BEND3: variants seen among roughly 807,000 people sequenced by gnomAD.
The protein encoded by BEND3 is BEN domain-containing protein 3.
BEND3 carries 13 observed loss-of-function variants against 60.1 expected under a neutral mutation model. The ratio of observed to expected loss-of-function variants is 0.22; its 90% confidence interval spans 0.14 to 0.34. The LOEUF (loss-of-function observed/expected upper bound fraction) is 0.34. Ranked by LOEUF, BEND3 falls within the 10% of genes least tolerant of loss-of-function variation. The pLI is 1.00. For missense variants in BEND3, 896 were observed against 1,138.1 expected (o/e 0.79, Z 3.06); for synonymous variants, 497 against 491.5 (o/e 1.01, Z -0.15).
intron 3 of BEND3, among the ~76,000 whole-genome samples, chr6:107,088,955 G>C (rs1464230765): frequency 1.3e-5 from 2 of 152,104 alleles, no homozygotes; most frequent in Non-Finnish European, 2.9e-5. Flanking sequence ...AGACCAGCCT[G>C]GTCAACATGG....
At position 107,069,170 on chromosome 6, in the gene BEND3, G is replaced by A. The variant is rs782054360; in HGVS notation, c.2021C>T (p.Ala674Val). ...GPECRDLTSY[A>V]INPERFREEF... ...CTCCCGGAACCTCTCGGGGTTGATT[G>A]CATAGCTGGTCAAGTCTCTGCACTC... The change falls in exon 4 of 4, where the codon GCA becomes GTA. Residue 674 changes from alanine to valine, a missense_variant. This residue lies in a region of BEND3 where 846 missense variants were observed against 1,036.7 expected (regional missense o/e 0.82). Coordinates refer to ENST00000369042, the MANE Select transcript of BEND3 (RefSeq NM_001367314.1). 197 of 1,612,486 alleles carry A rather than the reference G, an allele frequency of 1.2e-4. No individual in the cohort carries two copies. Among genetic ancestry groups the A allele is most frequent in the Non-Finnish European group, 1.7e-4 (195 of 1,180,042 alleles).
intron 1 of BEND3, among the ~76,000 whole-genome samples, chr6:107,100,080 A>G (rs1332115672): frequency 1.3e-5 from 2 of 152,046 alleles, no homozygotes; most frequent in Non-Finnish European, 2.9e-5. Context: ...CACTATGTTG[A>G]CCAGGCTGCT....
At chr6:107,071,460 C>T (rs1000604681) in intron 3 of BEND3, among the ~76,000 whole-genome samples, 2 of 152,122 alleles carry the variant, frequency 1.3e-5, no homozygotes, top group East Asian at 1.9e-4. Flanking sequence ...GGAGAGCAGG[C>T]GTCCCTTTTC....
chr6:107,096,013 C>T (rs1302716657), intron 3 of BEND3, among the ~76,000 whole-genome samples: 1 of 152,050 alleles, frequency 6.6e-6, no homozygotes, highest in African/African-American at 2.4e-5. Context: ...AAGAGTGAGC[C>T]CTAATGTAAA....
chr6:107,088,245 G>C (rs1347998879), intron 3 of BEND3, among the ~76,000 whole-genome samples: 1 of 152,072 alleles, frequency 6.6e-6, no homozygotes, highest in African/African-American at 2.4e-5. Flanking sequence ...CTCTGCATTT[G>C]AGGATATCTT....
chr6:107,087,759 A>C (rs1775384636), intron 3 of BEND3, among the ~76,000 whole-genome samples: 1 of 151,822 alleles, frequency 6.6e-6, no homozygotes, highest in Admixed American at 6.6e-5. Context: ...CAAACAAAAA[A>C]ACAGATGGTC....
At chr6:107,111,690 T>C (rs575417807) in intron 1 of BEND3, among the ~76,000 whole-genome samples, 16 of 152,088 alleles carry the variant, frequency 1.1e-4, no homozygotes, top group Admixed American at 3.9e-4. Flanking sequence ...AACACCAAAA[T>C]TAAGCACCAG....
chr6:107,083,548 G>T (rs781875617), intron 3 of BEND3, among the ~76,000 whole-genome samples: 2 of 151,864 alleles, frequency 1.3e-5, no homozygotes, highest in Non-Finnish European at 2.9e-5. Flanking sequence ...GAGGTGGGAA[G>T]ATCCACTGAG....
chr6:107,104,866 C>T (rs1775780104), intron 1 of BEND3, among the ~76,000 whole-genome samples: 1 of 151,782 alleles, frequency 6.6e-6, no homozygotes, highest in African/African-American at 2.4e-5. Context: ...GGCCTCCCTA[C>T]GTTGCCCAAG....
intron 3 of BEND3, among the ~76,000 whole-genome samples, chr6:107,082,144 T>G (rs1343640633): frequency 2.0e-5 from 3 of 152,204 alleles, no homozygotes; most frequent in Non-Finnish European, 4.4e-5. Flanking sequence ...GTGACTTGCT[T>G]TGGCCAACAG....
chr6:107,103,552 G>A (rs1775745127), intron 1 of BEND3, among the ~76,000 whole-genome samples: 1 of 152,108 alleles, frequency 6.6e-6, no homozygotes, highest in Non-Finnish European at 1.5e-5. Flanking sequence ...CTCAAATTAT[G>A]GGACAGTCAA....
chr6:107,097,623 T>C (rs1369053010), intron 3 of BEND3, among the ~76,000 whole-genome samples: 1 of 150,846 alleles, frequency 6.6e-6, no homozygotes, highest in Non-Finnish European at 1.5e-5. Context: ...AAACCCTGTA[T>C]CTACTAAAAA....
chr6:107,070,311 C>G lies in BEND3; in HGVS notation c.880G>C (p.Ala294Pro). Residue 294 changes from alanine (A) to proline (P), a missense_variant, in exon 4 of 4, where the codon GCG (alanine) becomes CCG (proline). Physicochemically the swap from Ala to Pro is conservative, Grantham distance 27. Transcript: ENST00000369042. The surrounding 1 kb of genome is among the most constrained non-coding windows in gnomAD (Gnocchi z 6.9). ...AGCGACTCCAGCTTGCGCTTGGCCGCAAAGCCACAGGCACTGCAGCCCCGG... is the reference window on the plus strand; with the variant it reads ...AGCGACTCCAGCTTGCGCTTGGCCGGAAAGCCACAGGCACTGCAGCCCCGG... ...FSRGCSACGF[A>P]AKRKLESLHL... 6.2e-7 allele frequency: 1 copy of G among 1,613,102 alleles called. No individual in the cohort carries two copies. The highest frequency in any genetic ancestry group is 1.3e-5 in the African/African-American group (1 of 75,040).
chr6:107,065,549 T>A lies in BEND3; in HGVS notation c.*3155A>T, dbSNP rs1774808661. 6.6e-6 allele frequency: 1 copy of A among 152,180 alleles called. No homozygotes were observed. Among genetic ancestry groups the A allele is most frequent in the Non-Finnish European group, 1.5e-5 (1 of 68,034 alleles). The allele number at this position is 152,180 out of a possible 1,614,324, so 9.4% of individuals were successfully genotyped here. The stretch of plus-strand genomic sequence containing the variant: ...CCACTTCATGTATCTATACAGTCGA[T>A]CTACACAGCCAGGCGGGGTGCAAGC... On this transcript the variant is annotated 3_prime_UTR_variant, in exon 4 of 4. Transcript: ENST00000369042.
chr6:107,102,321 T>C (rs1775719278), intron 1 of BEND3, among the ~76,000 whole-genome samples: 1 of 152,136 alleles, frequency 6.6e-6, no homozygotes, highest in African/African-American at 2.4e-5. Context: ...TATTTTCTGA[T>C]TTTTTATTTT....
Position 107,068,027 on chromosome 6 carries a change from G to C in BEND3, c.*677C>G, listed in dbSNP as rs1427783193. ...CCAACGCGCCTGAAGGACAGGCCAA[G>C]CTGAACGGAAGCCTTCCCTGGCACC... On this transcript the variant is annotated 3_prime_UTR_variant, in exon 4 of 4. Transcript: ENST00000369042. The surrounding 1 kb of genome is among the most constrained non-coding windows in gnomAD (Gnocchi z 5.8). 6.6e-6 allele frequency: 1 copy of C among 152,300 alleles called. No individual in the cohort carries two copies. Among genetic ancestry groups the C allele is most frequent in the African/African-American group, 2.4e-5 (1 of 41,450 alleles). 9.4% of individuals were successfully genotyped at this position (152,300 alleles called of 1,614,324 possible).
rs1775656761 is a variant in BEND3 at position 107,099,282 on chromosome 6, T to G, written c.4A>C (p.Asn2His). Residue 2 changes from asparagine to histidine, a missense_variant, in exon 2 of 4, where the codon AAC becomes CAC. Physicochemically the swap from Asn to His is moderately conservative, Grantham distance 68. This residue lies in a region of BEND3 where 846 missense variants were observed against 1,036.7 expected (regional missense o/e 0.82). Coordinates refer to ENST00000369042, the MANE Select transcript of BEND3 (RefSeq NM_001367314.1). M[N>H]STEFTEDVEE... is the part of the protein sequence containing the mutation. ...ACATCTTCGGTGAATTCAGTTGAGT[T>G]CATCTTCTATTCCGCTAAATAAAAA... The G allele has an allele frequency of 6.2e-7, 1 of 1,610,884 alleles. No homozygotes were observed. Among genetic ancestry groups the G allele is most frequent in the Non-Finnish European group, 8.5e-7 (1 of 1,177,892 alleles).
At position 107,069,879 on chromosome 6, in the gene BEND3, C is replaced by A; in HGVS notation, c.1312G>T (p.Gly438Cys). The change falls in exon 4 of 4, where the codon GGT (glycine) becomes TGT (cysteine). Residue 438 changes from glycine to cysteine, a missense_variant. This residue lies in a region of BEND3 where 846 missense variants were observed against 1,036.7 expected (regional missense o/e 0.82). Transcript: ENST00000369042. Reference sequence around the variant, plus strand: ...TGCGGGTCCAGCTCCTGCTTTCCACCGTCCCCGTAGCAGCTGTACTGTTCA... The same window carrying A: ...TGCGGGTCCAGCTCCTGCTTTCCACAGTCCCCGTAGCAGCTGTACTGTTCA... Reference protein sequence around the residue: ...LGEQYSCYGDGGKQELDPQRL... With the variant: ...LGEQYSCYGDCGKQELDPQRL... The A allele has an allele frequency of 6.2e-7, 1 of 1,613,786 alleles. No homozygotes were observed. Among genetic ancestry groups the A allele is most frequent in the Middle Eastern group, 1.7e-4 (1 of 6,060 alleles).
chr6:107,103,047 A>G (rs1775733642), intron 1 of BEND3, among the ~76,000 whole-genome samples: 1 of 152,102 alleles, frequency 6.6e-6, no homozygotes, highest in Admixed American at 6.6e-5. Context: ...TCCAAATTTG[A>G]GTCCCTCTGT....
Sources: allele counts gnomAD v4.1 joint callset (sites outside exome capture counted in the v4.1 genomes callset), GRCh38; gene constraint gnomAD v4.1.1; regional missense constraint gnomAD v4.1.1; non-coding constraint Gnocchi (gnomAD v3.1); transcripts MANE v1.5; gene names NCBI Gene and HGNC (gene_info 2026-07-23, HGNC 2026-07-21).